The following TMEFF2 variants were observed in gnomAD, a reference collection of about 807,000 sequenced individuals.
The protein encoded by TMEFF2 is tomoregulin-2.
TMEFF2 carries 28 observed loss-of-function variants against 53.8 expected under a neutral mutation model. The observed-to-expected ratio is 0.52, with a 90% CI of 0.39 to 0.71. The LOEUF is 0.71. Ranked by LOEUF, TMEFF2 falls within the 30% of genes least tolerant of loss-of-function variation. The pLI, the probability that TMEFF2 is intolerant of heterozygous loss-of-function variation, is 0.00. For missense variants in TMEFF2, 353 were observed against 455.2 expected (o/e 0.78, Z 2.04); for synonymous variants, 162 against 166.3 (o/e 0.97, Z 0.20).
At chr2:191,953,871 G>C in intron 8 of TMEFF2, 34 bp from the exon 9 acceptor site, 1 of 1,403,858 alleles carries the variant, frequency 7.1e-7, no homozygotes. Context: ...TTACCTGTAG[G>C]GTGCTGCATT....
chr2:192,137,779 TTA>T (rs150700355), intron 4 of TMEFF2, among the ~76,000 whole-genome samples: 12,668 of 148,152 alleles, frequency 0.086, 1,229 homozygotes, highest in East Asian at 0.51. Context: ...TGTAATCTAT[TTA>T]TATATATATG....
chr2:192,120,463 T>C (rs573125566), intron 4 of TMEFF2, among the ~76,000 whole-genome samples: 1 of 152,318 alleles, frequency 6.6e-6, no homozygotes, highest in East Asian at 1.9e-4. Context: ...CATAAATATA[T>C]ACAGCTTTTC....
In TMEFF2 at chr2:192,010,376, T is replaced by G. The variant is rs541240139; in HGVS notation, c.537-11168A>C. Among the ~76,000 whole-genome samples the G allele has an allele frequency of 3.3e-5, 5 of 152,308 alleles. No homozygotes were observed. The South Asian group carries it at 1.0e-3, about 32-fold the overall frequency. On this transcript the variant is annotated intron_variant, in intron 5 of 9. Coordinates refer to ENST00000272771, the MANE Select transcript of TMEFF2 (RefSeq NM_016192.4). ...AGTAGAAATATTTCAACATTTTGCCTTGAAATAAAAATGCTTCTGAGTTTC... is the reference window on the plus strand; with the variant it reads ...AGTAGAAATATTTCAACATTTTGCCGTGAAATAAAAATGCTTCTGAGTTTC...
chr2:192,110,204 G>A (rs1364846221), intron 4 of TMEFF2, among the ~76,000 whole-genome samples: 1 of 152,070 alleles, frequency 6.6e-6, no homozygotes, highest in Admixed American at 6.6e-5. Flanking sequence ...AGGGGTCAAT[G>A]GAGTCACCCA....
intron 7 of TMEFF2, among the ~76,000 whole-genome samples, chr2:191,962,128 C>T (rs1692291358): frequency 6.6e-6 from 1 of 152,286 alleles, no homozygotes; most frequent in East Asian, 1.9e-4. Flanking sequence ...AGACCAAGTC[C>T]TTCAACATTC....
chr2:192,140,122 T>C (rs1200616405), intron 4 of TMEFF2, among the ~76,000 whole-genome samples: 1 of 152,140 alleles, frequency 6.6e-6, no homozygotes, highest in Non-Finnish European at 1.5e-5. Context: ...GAAATTTAAC[T>C]GGGATAAGGG....
intron 7 of TMEFF2, among the ~76,000 whole-genome samples, chr2:191,987,551 C>T (rs570042299): frequency 1.2e-4 from 18 of 152,126 alleles, no homozygotes; most frequent in African/African-American, 3.4e-4. Context: ...GGACTACAGG[C>T]GCATGCCACC....
chr2:192,055,638 G>A, intron 5 of TMEFF2, among the ~76,000 whole-genome samples: 1 of 151,812 alleles, frequency 6.6e-6, no homozygotes, highest in Admixed American at 6.6e-5. Flanking sequence ...AGCCGGGCAT[G>A]GTGGTGCGCA....
chr2:192,179,647 A>G lies in TMEFF2; in HGVS notation c.439+21T>C, dbSNP rs372406187. The G allele has an allele frequency of 2.5e-5, 39 of 1,564,258 alleles. No individual in the cohort carries two copies. In the African/African-American group the frequency reaches 4.2e-4, roughly 17 times the overall value. ...AATATCCACCAGTAAATCTTCAAATATGTAAAAAGGCAACTCCTACCTCCA... is the reference window on the plus strand; with the variant it reads ...AATATCCACCAGTAAATCTTCAAATGTGTAAAAAGGCAACTCCTACCTCCA... On this transcript the variant is annotated intron_variant, in intron 4 of 9. Transcript: ENST00000272771.
intron 4 of TMEFF2, among the ~76,000 whole-genome samples, chr2:192,101,556 A>G (rs1250583688): frequency 1.3e-5 from 2 of 152,210 alleles, no homozygotes; most frequent in African/African-American, 2.4e-5. Flanking sequence ...ATGTGATCTC[A>G]AAATCTAATA....
At chr2:192,099,095 A>T (rs1688978325) in intron 4 of TMEFF2, among the ~76,000 whole-genome samples, 1 of 152,140 alleles carries the variant, frequency 6.6e-6, no homozygotes, top group Non-Finnish European at 1.5e-5. Context: ...AGCACAAAGC[A>T]TGGACACACT....
chr2:192,160,997 AT>A (rs1013659746), intron 4 of TMEFF2, among the ~76,000 whole-genome samples: 14 of 152,190 alleles, frequency 9.2e-5, no homozygotes, highest in African/African-American at 3.4e-4. Context: ...TAGGACAGCC[AT>A]TTTATTGCTA....
intron 4 of TMEFF2, among the ~76,000 whole-genome samples, chr2:192,100,409 T>C (rs1251488238): frequency 6.6e-6 from 1 of 152,184 alleles, no homozygotes; most frequent in Non-Finnish European, 1.5e-5. Flanking sequence ...CTAGCATGCA[T>C]TTTCAAAGCA....
intron 5 of TMEFF2, among the ~76,000 whole-genome samples, chr2:192,024,873 C>T (rs1686935712): frequency 6.6e-6 from 1 of 152,170 alleles, no homozygotes; most frequent in African/African-American, 2.4e-5. Context: ...CCTCTTTATG[C>T]AGCAGAGTTT....
intron 4 of TMEFF2, among the ~76,000 whole-genome samples, chr2:192,079,207 C>T (rs1220864771): frequency 6.6e-6 from 1 of 152,162 alleles, no homozygotes; most frequent in Non-Finnish European, 1.5e-5. Flanking sequence ...TATGAGACTT[C>T]TATAATAAGC....
intron 4 of TMEFF2, among the ~76,000 whole-genome samples, chr2:192,089,728 G>T (rs76822403): frequency 0.012 from 1,862 of 152,218 alleles, 46 homozygotes; most frequent in African/African-American, 0.042. Context: ...CAAGCTGTAT[G>T]ACTTTACGTA....
chr2:192,136,345 T>C, intron 4 of TMEFF2, among the ~76,000 whole-genome samples: 1 of 152,222 alleles, frequency 6.6e-6, no homozygotes, highest in Non-Finnish European at 1.5e-5. Context: ...GGTTAATTGC[T>C]AAGTATTTTC....
At chr2:192,108,419 C>G (rs1251082410) in intron 4 of TMEFF2, among the ~76,000 whole-genome samples, 2 of 151,774 alleles carry the variant, frequency 1.3e-5, no homozygotes, top group East Asian at 3.9e-4. Context: ...TATTCCATAG[C>G]CTTCTTTACA....
chr2:192,038,224 C>T (rs754563363), intron 5 of TMEFF2, among the ~76,000 whole-genome samples: 7 of 152,166 alleles, frequency 4.6e-5, no homozygotes, highest in African/African-American at 9.7e-5. Context: ...GGTAAGAGTA[C>T]GACCTCTGGG....
Sources: allele counts gnomAD v4.1 joint callset (sites outside exome capture counted in the v4.1 genomes callset), GRCh38; gene constraint gnomAD v4.1.1; transcripts MANE v1.5; gene names NCBI Gene and HGNC (gene_info 2026-07-23, HGNC 2026-07-21).